Variants in RBP3 observed in about 807,000 individuals in gnomAD.
RBP3 encodes the protein retinol binding protein 3.
A neutral mutation model predicts 64.8 loss-of-function variants in RBP3; 50 were observed. That is an observed-to-expected ratio of 0.77 (90% CI 0.61 to 0.98). RBP3 has a LOEUF of 0.98. Ranked by LOEUF, RBP3 falls within the 50% of genes least tolerant of loss-of-function variation. RBP3 has a pLI of 0.00. For missense variants in RBP3, 1,712 were observed against 1,660.5 expected (o/e 1.03, Z -0.54); for synonymous variants, 828 against 730.2 (o/e 1.13, Z -2.16).
rs1555211084 is a variant in RBP3 at position 47,349,427 on chromosome 10, A to G, written c.943A>G (p.Lys315Glu). 1 of 1,612,102 alleles carries G rather than the reference A, an allele frequency of 6.2e-7. No homozygotes were observed. Among genetic ancestry groups the G allele is most frequent in the South Asian group, 1.1e-5 (1 of 91,076 alleles). ...VGTPAEQALE[K>E]ALAILTLRSA... The stretch of plus-strand genomic sequence containing the variant: ...GACTCCGGCCGAGCAGGCCCTGGAG[A>G]AAGCCCTGGCCATCCTCACTCTGCG... The change falls in exon 1 of 4, where the codon AAA (lysine) becomes GAA (glutamate). Residue 315 changes from lysine to glutamate, a missense_variant. Physicochemically the swap from Lys to Glu is moderately conservative, Grantham distance 56. Transcript: ENST00000584701.
rs1425410954 is a variant in RBP3 at position 47,353,414 on chromosome 10, C to T, written c.3144C>T (p.Asp1048=). 1.2e-6 allele frequency: 2 copies of T among 1,613,992 alleles called. No homozygotes were observed. The highest frequency in any genetic ancestry group is 1.7e-6 in the Non-Finnish European group (2 of 1,180,026). ...LEDNIGYLRF[D]MFGDGELLTQ... is the part of the protein sequence containing the mutation. The stretch of plus-strand genomic sequence containing the variant: ...ACAACATTGGCTACTTGAGGTTTGA[C>T]ATGTTTGGGGACGGTGAGCTGCTCA... The change falls in exon 2 of 4, where the codon GAC becomes GAT. Residue 1048 remains aspartate (D), a synonymous_variant. Coordinates refer to ENST00000584701, the MANE Select transcript of RBP3 (RefSeq NM_002900.3).
At position 47,350,707 on chromosome 10, in the gene RBP3, C is replaced by T. The variant is rs782443354; in HGVS notation, c.2223C>T (p.Gly741=). Residue 741 remains glycine (G), a synonymous_variant, in exon 1 of 4, where the codon GGC becomes GGT. Coordinates refer to ENST00000584701, the MANE Select transcript of RBP3 (RefSeq NM_002900.3). ...EALFKTEVLP[G]QLGYLRFDAM... ...TGTTCAAGACAGAGGTGCTGCCCGGCCAGCTGGGCTACCTGCGTTTTGACG... is the reference window on the plus strand; with the variant it reads ...TGTTCAAGACAGAGGTGCTGCCCGGTCAGCTGGGCTACCTGCGTTTTGACG... 5 of 1,613,068 alleles carry T rather than the reference C, an allele frequency of 3.1e-6. No homozygotes were observed. Among genetic ancestry groups the T allele is most frequent in the Non-Finnish European group, 4.2e-6 (5 of 1,180,040 alleles).
rs1836924769 is a variant in RBP3, at chr10:47,349,675, T to C, written c.1191T>C (p.Ser397=). The C allele has an allele frequency of 6.8e-6, 11 of 1,611,870 alleles. No individual in the cohort carries two copies. The East Asian group carries it at 2.0e-4, about 29-fold the overall frequency. ...CCATCGGGCCCACAGAAACTCCTTC[T>C]TGGCCCGCGCCCGACGCTGCAGCCG... ...VRAIGPTETP[S]WPAPDAAAED... is the part of the protein sequence containing the mutation. Residue 397 remains serine, a synonymous_variant, in exon 1 of 4, where the codon TCT becomes TCC. Transcript: ENST00000584701.
chr10:47,353,622 G>A, intron 2 of RBP3, 107 bp downstream of exon 2: 1 of 1,333,258 alleles, frequency 7.5e-7, no homozygotes, highest in Non-Finnish European at 1.1e-6. Flanking sequence ...TGACACAGCA[G>A]AGGACCTGAG....
Position 47,349,850 on chromosome 10 carries a change from T to C in RBP3, c.1366T>C (p.Leu456=), listed in dbSNP as rs542086848. The stretch of plus-strand genomic sequence containing the variant: ...TGCTGACGCCTCCGTCCTGGGTGTG[T>C]TGGCCCCATATGTCCTGCGCCAGGT... ...SFADASVLGV[L]APYVLRQVWE... is the part of the protein sequence containing the mutation. Residue 456 remains leucine, a synonymous_variant, in exon 1 of 4, where the codon TTG becomes CTG. Coordinates refer to ENST00000584701, the MANE Select transcript of RBP3 (RefSeq NM_002900.3). 6 of 1,613,176 alleles carry C rather than the reference T, an allele frequency of 3.7e-6. No individual in the cohort carries two copies. The highest frequency in any genetic ancestry group is 1.6e-4 in the Middle Eastern group (1 of 6,062).
rs782573534 is a variant in RBP3, at chr10:47,349,381, C to G, written c.897C>G (p.Ser299Arg). ...LGGGSQTWEG[S>R]GVLPCVGTPA... ...GAGGCAGCCAGACGTGGGAGGGCAG[C>G]GGGGTGCTGCCCTGTGTGGGGACTC... is the stretch of plus-strand genomic sequence containing the variant. The change falls in exon 1 of 4, where the codon AGC (serine) becomes AGG (arginine). Residue 299 changes from serine (S) to arginine (R), a missense_variant. By Grantham distance (110) the Ser-to-Arg change is moderately radical. Coordinates refer to ENST00000584701, the MANE Select transcript of RBP3 (RefSeq NM_002900.3). 1.9e-6 allele frequency: 3 copies of G among 1,611,914 alleles called. No homozygotes were observed. Among genetic ancestry groups the G allele is most frequent in the Non-Finnish European group, 2.5e-6 (3 of 1,179,918 alleles).
rs782619759 is a variant in RBP3, at chr10:47,349,986, C to T, written c.1502C>T (p.Ala501Val). 10 of 1,612,774 alleles carry T rather than the reference C, an allele frequency of 6.2e-6. No individual in the cohort carries two copies. The highest frequency in any genetic ancestry group is 5.3e-5 in the African/African-American group (4 of 74,910). ...CTGTCCTACTTCCAGGGCCCTGAGG[C>T]CGGCCCCGTGCACCTCTTCACCACC... is the stretch of plus-strand genomic sequence containing the variant. ...LLLSYFQGPE[A>V]GPVHLFTTYD... is the part of the protein sequence containing the mutation. The change falls in exon 1 of 4, where the codon GCC becomes GTC. Residue 501 changes from alanine to valine, a missense_variant. Physicochemically the swap from Ala to Val is moderately conservative, Grantham distance 64 (BLOSUM62 0). Coordinates refer to ENST00000584701, the MANE Select transcript of RBP3 (RefSeq NM_002900.3).
In RBP3 at chr10:47,349,809, T is replaced by G. The variant is rs782641927; in HGVS notation, c.1325T>G (p.Leu442Arg). ...VSVLPGNVGYLRFDSFADASV... is the reference protein window; with the variant it reads ...VSVLPGNVGYRRFDSFADASV... Reference sequence around the variant, plus strand: ...GTGCTGCCAGGCAATGTGGGCTACCTGCGCTTCGATAGTTTTGCTGACGCC... The same window carrying G: ...GTGCTGCCAGGCAATGTGGGCTACCGGCGCTTCGATAGTTTTGCTGACGCC... Residue 442 changes from leucine to arginine, a missense_variant, in exon 1 of 4, where the codon CTG becomes CGG. Coordinates refer to ENST00000584701, the MANE Select transcript of RBP3 (RefSeq NM_002900.3). The G allele has an allele frequency of 1.2e-6, 2 of 1,613,302 alleles. No homozygotes were observed. Among genetic ancestry groups the G allele is most frequent in the Non-Finnish European group, 8.5e-7 (1 of 1,180,034 alleles).
intron 2 of RBP3, 54 bp from the exon 3 acceptor site, chr10:47,355,322 C>T: frequency 6.2e-7 from 1 of 1,610,814 alleles, no homozygotes; most frequent in South Asian, 1.1e-5. Context: ...GAGGGGCACA[C>T]AGGGCCTCAC....
rs782627891 is a variant in RBP3 at position 47,350,277 on chromosome 10, T to C, written c.1793T>C (p.Phe598Ser). The C allele has an allele frequency of 6.2e-7, 1 of 1,608,388 alleles. No homozygotes were observed. Among genetic ancestry groups the C allele is most frequent in the South Asian group, 1.1e-5 (1 of 91,076 alleles). ...SLALTVPVLT[F>S]IDNHGEAWLG... is the part of the protein sequence containing the mutation. The stretch of plus-strand genomic sequence containing the variant: ...GCGCTCACCGTGCCGGTCCTCACCT[T>C]CATCGACAATCACGGCGAGGCCTGG... Residue 598 changes from phenylalanine (F) to serine (S), a missense_variant, in exon 1 of 4, where the codon TTC (phenylalanine) becomes TCC (serine). Coordinates refer to ENST00000584701, the MANE Select transcript of RBP3 (RefSeq NM_002900.3).
Position 47,350,566 on chromosome 10 carries a change from TG to T in RBP3, c.2086del (p.Asp696ThrfsTer5), listed in dbSNP as rs2132254606. 6.2e-7 allele frequency: 1 copy of T among 1,612,972 alleles called. No individual in the cohort carries two copies. Among genetic ancestry groups the T allele is most frequent in the Non-Finnish European group, 8.5e-7 (1 of 1,180,018 alleles). ...TCACAGCAGACCTCCAGGAGGTGTC[TG>T]GGGACCACCGCTTGCTAGTGTTCCA... ...QLTADLQEVS[G>X]DHRLLVFHSP... On this transcript the variant is annotated frameshift_variant, in exon 1 of 4. Transcript: ENST00000584701. LOFTEE classifies it high-confidence loss of function.
chr10:47,357,319 T>C lies in RBP3; in HGVS notation c.3606T>C (p.Asp1202=). 1 of 1,614,132 alleles carries C rather than the reference T, an allele frequency of 6.2e-7. No homozygotes were observed. The highest frequency in any genetic ancestry group is 1.6e-4 in the Middle Eastern group (1 of 6,062). Residue 1202 remains aspartate, a synonymous_variant, in exon 4 of 4, where the codon GAT becomes GAC. Coordinates refer to ENST00000584701, the MANE Select transcript of RBP3 (RefSeq NM_002900.3). ...IPTARSVGAS[D]GSSWEGVGVT... is the part of the protein sequence containing the mutation. ...CGGCCCGTTCTGTGGGGGCCTCGGA[T>C]GGCAGCTCCTGGGAAGGGGTGGGGG... is the stretch of plus-strand genomic sequence containing the variant.
At position 47,353,521 on chromosome 10, in the gene RBP3, T is replaced by C. The variant is rs1837007879; in HGVS notation, c.3245+6T>C. ...GCCATGATCATCGACATGAGGTCAG[T>C]GGCCAGGGGTCAGTGCTTCCTAGCC... On this transcript the variant is annotated splice_donor_region_variant and intron_variant, in intron 2 of 3. Transcript: ENST00000584701. The C allele has an allele frequency of 6.2e-7, 1 of 1,613,644 alleles. No individual in the cohort carries two copies. The highest frequency in any genetic ancestry group is 1.3e-5 in the African/African-American group (1 of 74,928).
Position 47,349,286 on chromosome 10 carries a change from A to T in RBP3, c.802A>T (p.Lys268Ter), listed in dbSNP as rs1253286238. ...TGGGGGAGGGGCCCTGGACCTCCGG[A>T]AGCTGAGGATAGGCGAGTCTGACTT... ...RTGGGALDLR[K>*]LRIGESDFFF... Residue 268 changes from lysine to a stop codon, truncating the protein, a stop_gained, in exon 1 of 4, where the codon AAG becomes TAG. Coordinates refer to ENST00000584701, the MANE Select transcript of RBP3 (RefSeq NM_002900.3). LOFTEE classifies it high-confidence loss of function. 10 of 1,612,760 alleles carry T rather than the reference A, an allele frequency of 6.2e-6. No homozygotes were observed. The Admixed American group carries it at 6.7e-5, about 11-fold the overall frequency.
At chr10:47,355,675 A>G (rs1486867003) in intron 3 of RBP3, among the ~76,000 whole-genome samples, 157 bp downstream of exon 3, 1 of 152,192 alleles carries the variant, frequency 6.6e-6, no homozygotes, top group African/African-American at 2.4e-5. Flanking sequence ...ATCCCTGAAA[A>G]GCATGTATCA....
Position 47,350,558 on chromosome 10 carries a change from G to A in RBP3, c.2074G>A (p.Glu692Lys), listed in dbSNP as rs150902800. 5.6e-6 allele frequency: 9 copies of A among 1,612,826 alleles called. No individual in the cohort carries two copies. The highest frequency in any genetic ancestry group is 5.3e-5 in the African/African-American group (4 of 74,926). The change falls in exon 1 of 4, where the codon GAG becomes AAG. Residue 692 changes from glutamate to lysine, a missense_variant. Physicochemically the swap from Glu to Lys is moderately conservative, Grantham distance 56. Transcript: ENST00000584701. ...LASQLTADLQEVSGDHRLLVF... is the reference protein window; with the variant it reads ...LASQLTADLQKVSGDHRLLVF... The stretch of plus-strand genomic sequence containing the variant: ...CTCTCAGCTCACAGCAGACCTCCAG[G>A]AGGTGTCTGGGGACCACCGCTTGCT...
rs566199706 is a variant in RBP3 at position 47,351,136 on chromosome 10, G to A, written c.2652G>A (p.Val884=). 1.2e-6 allele frequency: 2 copies of A among 1,613,032 alleles called. No individual in the cohort carries two copies. The highest frequency in any genetic ancestry group is 1.3e-5 in the African/African-American group (1 of 75,068). ...GGALSVGIYQ[V]GSSPLYASMP... ...CACTCTCTGTGGGCATCTACCAGGTGGGCAGCAGCCCCTTATATGCATCCA... is the reference window on the plus strand; with the variant it reads ...CACTCTCTGTGGGCATCTACCAGGTAGGCAGCAGCCCCTTATATGCATCCA... Residue 884 remains valine (V), a synonymous_variant, in exon 1 of 4, where the codon GTG becomes GTA. Transcript: ENST00000584701.
rs141453777 is a variant in RBP3 at position 47,350,613 on chromosome 10, T to A, written c.2129T>A (p.Val710Glu). The change falls in exon 1 of 4, where the codon GTA (valine) becomes GAA (glutamate). Residue 710 changes from valine to glutamate, a missense_variant. Val to Glu is a moderately radical substitution (Grantham distance 121, BLOSUM62 -2). Coordinates refer to ENST00000584701, the MANE Select transcript of RBP3 (RefSeq NM_002900.3). ...LVFHSPGELV[V>E]EEAPPPPPAV... ...TTCCACAGCCCTGGCGAGCTGGTGG[T>A]AGAGGAAGCACCCCCACCACCCCCT... 23 of 1,612,882 alleles carry A rather than the reference T, an allele frequency of 1.4e-5. No homozygotes were observed. In the South Asian group the frequency reaches 2.5e-4, roughly 18 times the overall value.
chr10:47,357,378 CT>C lies in RBP3; in HGVS notation c.3666del (p.Leu1223SerfsTer13). ...CATGTGGTTGTCCCTGCAGAAGAGG[CT>C]CTCGCCAGGGCCAAGGAGATGCTCC... ...TPHVVVPAEE[A>X]LARAKEMLQH... On this transcript the variant is annotated frameshift_variant, in exon 4 of 4. Transcript: ENST00000584701. LOFTEE classifies it low-confidence loss of function (END_TRUNC). 1.2e-6 allele frequency: 2 copies of C among 1,614,134 alleles called. No homozygotes were observed. The highest frequency in any genetic ancestry group is 1.7e-6 in the Non-Finnish European group (2 of 1,180,006).
Sources: allele counts gnomAD v4.1 joint callset (sites outside exome capture counted in the v4.1 genomes callset), GRCh38; gene constraint gnomAD v4.1.1; transcripts MANE v1.5; gene names NCBI Gene and HGNC (gene_info 2026-07-23, HGNC 2026-07-21).